Variants in PIGN observed in about 807,000 individuals in gnomAD.
PIGN encodes the protein GPI ethanolamine phosphate transferase 1.
Under a neutral mutation model 125.4 loss-of-function variants are expected in PIGN, and 117 were observed. The observed-to-expected ratio is 0.93, with a 90% CI of 0.80 to 1.09. The LOEUF (loss-of-function observed/expected upper bound fraction) is 1.09. Among genes scored for constraint, PIGN ranks in the 50% least tolerant of loss-of-function variants. The pLI, the probability that PIGN is intolerant of heterozygous loss-of-function variation, is 0.00. For missense variants in PIGN, 1,075 were observed against 1,094.9 expected (o/e 0.98, Z 0.26); for synonymous variants, 392 against 377.8 (o/e 1.04, Z -0.44).
At chr18:62,172,680 C>T (rs930414994) in intron 1 of PIGN, among the ~76,000 whole-genome samples, 7 of 152,106 alleles carry the variant, frequency 4.6e-5, no homozygotes, top group Non-Finnish European at 8.8e-5. Flanking sequence ...TTTCTTGTCC[C>T]ATTTGCCACT....
chr18:62,106,179 T>C (rs2034631198), intron 19 of PIGN, among the ~76,000 whole-genome samples: 1 of 152,170 alleles, frequency 6.6e-6, no homozygotes, highest in African/African-American at 2.4e-5. Context: ...AAAAGATCGA[T>C]AATCCCATTC....
intron 6 of PIGN, among the ~76,000 whole-genome samples, chr18:62,155,989 A>T (rs2036718604): frequency 6.6e-6 from 1 of 152,214 alleles, no homozygotes; most frequent in Non-Finnish European, 1.5e-5. Context: ...ACACATAATA[A>T]TCTTCAATAG....
intron 23 of PIGN, among the ~76,000 whole-genome samples, chr18:62,031,070 T>A (rs538113161): frequency 1.3e-5 from 2 of 152,342 alleles, no homozygotes; most frequent in East Asian, 3.9e-4. Context: ...TGAATTATAA[T>A]AATCCCCACA....
At chr18:62,033,271 C>T (rs889454561) in intron 23 of PIGN, among the ~76,000 whole-genome samples, 14 of 152,310 alleles carry the variant, frequency 9.2e-5, no homozygotes, top group African/African-American at 3.4e-4. Context: ...CAAAATAACA[C>T]CTCCACAGTA....
intron 24 of PIGN, 93 bp from the exon 25 acceptor site, chr18:62,088,935 T>C: frequency 1.4e-6 from 1 of 710,056 alleles, no homozygotes; most frequent in Non-Finnish European, 2.5e-6. Flanking sequence ...TTACAATGGC[T>C]AGAAACATGC....
At chr18:62,103,593 T>C (rs937459533) in intron 20 of PIGN, 6 of 152,204 alleles carry the variant, frequency 3.9e-5, no homozygotes, top group Non-Finnish European at 8.8e-5. Flanking sequence ...TCTCACCTCC[T>C]TAACATCTGA....
intron 1 of PIGN, among the ~76,000 whole-genome samples, chr18:62,180,071 T>C (rs1026108728): frequency 6.6e-5 from 10 of 152,208 alleles, no homozygotes; most frequent in African/African-American, 2.4e-4. Context: ...TGCTCTCTTA[T>C]GGTAAAGGTG....
chr18:62,179,836 T>C (rs2147960832), intron 1 of PIGN, among the ~76,000 whole-genome samples: 1 of 152,324 alleles, frequency 6.6e-6, no homozygotes, highest in South Asian at 2.1e-4. Flanking sequence ...CCACTCCTGC[T>C]TTCCCCACCT....
chr18:62,112,393 T>C (rs1484469174), intron 16 of PIGN, among the ~76,000 whole-genome samples: 1 of 152,152 alleles, frequency 6.6e-6, no homozygotes, highest in Non-Finnish European at 1.5e-5. Context: ...ATGGTAATAA[T>C]CATTAAAGAG....
intron 16 of PIGN, among the ~76,000 whole-genome samples, chr18:62,111,153 T>C (rs991652416): frequency 2.6e-5 from 4 of 152,048 alleles, no homozygotes; most frequent in African/African-American, 4.8e-5. Flanking sequence ...TTAAAACCCA[T>C]GTGTCCTTGT....
chr18:62,155,547 C>A (rs1017826321), intron 6 of PIGN, among the ~76,000 whole-genome samples: 1 of 151,920 alleles, frequency 6.6e-6, no homozygotes, highest in African/African-American at 2.4e-5. Context: ...CCAGCCTGGG[C>A]AACAAGGGCA....
intron 30 of PIGN, among the ~76,000 whole-genome samples, chr18:62,053,972 T>C (rs778782152): frequency 9.2e-5 from 14 of 152,094 alleles, no homozygotes; most frequent in Non-Finnish European, 1.8e-4. Flanking sequence ...ACTTGGAAAC[T>C]AAACAACACA....
rs188589645 is a variant in PIGN, at chr18:62,158,908, T to A, written c.222-1100A>T. ...AATGTGGATACTCTATTTAAAAGCATTAGTTTAGATACTGTATTTAAAAAC... is the reference window on the plus strand; with the variant it reads ...AATGTGGATACTCTATTTAAAAGCAATAGTTTAGATACTGTATTTAAAAAC... On this transcript the variant is annotated intron_variant, in intron 4 of 30. Coordinates refer to ENST00000640252, the MANE Select transcript of PIGN (RefSeq NM_176787.5). 3.5e-3 allele frequency among the ~76,000 whole-genome samples: 538 copies of A among 152,334 alleles called. 1 individual carries two copies. The highest frequency in any genetic ancestry group is 0.013 in the African/African-American group (520 of 41,560).
chr18:62,030,856 A>G (rs1411612381), intron 23 of PIGN, among the ~76,000 whole-genome samples: 1 of 152,064 alleles, frequency 6.6e-6, no homozygotes, highest in African/African-American at 2.4e-5. Context: ...TCATGCACCT[A>G]CTCAAGTGCT....
intron 7 of PIGN, among the ~76,000 whole-genome samples, chr18:62,148,777 C>A (rs1432685412): frequency 6.6e-6 from 1 of 152,070 alleles, no homozygotes; most frequent in Non-Finnish European, 1.5e-5. Context: ...CTAGTCCAAC[C>A]GTAATCTCTA....
intron 30 of PIGN, among the ~76,000 whole-genome samples, chr18:62,056,166 CA>C (rs1309474366): frequency 6.7e-6 from 1 of 149,652 alleles, no homozygotes; most frequent in African/African-American, 2.5e-5. Context: ...AAAGCAAAAC[CA>C]AAATGCCAAA....
chr18:62,167,284 A>ATG (rs2037175513), intron 1 of PIGN, among the ~76,000 whole-genome samples: 1 of 136,106 alleles, frequency 7.3e-6, no homozygotes, highest in African/African-American at 3.1e-5. Context: ...ATAGAGATAT[A>ATG]TATGTGTGTG....
intron 11 of PIGN, among the ~76,000 whole-genome samples, chr18:62,141,089 A>C (rs539075768): frequency 6.6e-6 from 1 of 152,184 alleles, no homozygotes; most frequent in Non-Finnish European, 1.5e-5. Context: ...CATTCCAAAG[A>C]CTGCTCTCTC....
chr18:62,046,015 A>G (rs2030651576), intron 30 of PIGN, 36 bp from the exon 31 acceptor site: 1 of 1,597,686 alleles, frequency 6.3e-7, no homozygotes, highest in African/African-American at 1.3e-5. Context: ...AGGCAGAGAG[A>G]ACACAGGTGA....
Sources: gnomAD v4.1 joint callset for allele counts (sites outside exome capture counted in the v4.1 genomes callset) on GRCh38, gnomAD v4.1.1 for gene constraint, MANE v1.5 for transcripts, NCBI Gene and HGNC (gene_info 2026-07-23, HGNC 2026-07-21) for gene names.